Variants in CEMIP2 observed in about 807,000 individuals in gnomAD.
CEMIP2 encodes cell surface hyaluronidase CEMIP2.
In CEMIP2, 79 loss-of-function variants were observed where a neutral mutation model predicts 146.9. The ratio of observed to expected loss-of-function variants is 0.54; its 90% CI spans 0.45 to 0.65. The LOEUF (loss-of-function observed/expected upper bound fraction) is 0.65. Among genes scored for constraint, CEMIP2 ranks in the 30% least tolerant of loss-of-function variants. CEMIP2 has a pLI of 0.00. For synonymous variants in CEMIP2, 601 were observed against 606.3 expected (o/e 0.99, Z 0.13); for missense variants, 1,596 against 1,696.2 (o/e 0.94, Z 1.04).
At chr9:71,700,294 T>G (rs1161763538) in intron 19 of CEMIP2, among the ~76,000 whole-genome samples, 1 of 152,200 alleles carries the variant, frequency 6.6e-6, no homozygotes, top group African/African-American at 2.4e-5. Context: ...AAAATGAGCT[T>G]TCACTGAAAT....
At chr9:71,736,056 T>G (rs1451049658) in intron 5 of CEMIP2, among the ~76,000 whole-genome samples, 1 of 152,212 alleles carries the variant, frequency 6.6e-6, no homozygotes, top group Non-Finnish European at 1.5e-5. Flanking sequence ...ACTGTGCCAC[T>G]GCACTCCATC....
intron 12 of CEMIP2, among the ~76,000 whole-genome samples, chr9:71,718,855 G>A (rs545654379): frequency 2.0e-5 from 3 of 152,242 alleles, no homozygotes; most frequent in Non-Finnish European, 4.4e-5. Context: ...GAGATTATAA[G>A]TGTGAGCCAC....
chr9:71,706,150 A>C lies in CEMIP2; in HGVS notation c.2986-1347T>G, dbSNP rs1035674817. ...AGGCTGAGGCAGGAGAATTGCTTGA[A>C]CCTGGGAGGTGGAGGTTGCAGTGAG... On this transcript the variant is annotated intron_variant, in intron 17 of 23. Coordinates refer to ENST00000377044, the MANE Select transcript of CEMIP2 (RefSeq NM_013390.3). Among the ~76,000 whole-genome samples the C allele has an allele frequency of 3.3e-5, 5 of 151,430 alleles. No individual in the cohort carries two copies. In the Admixed American group the frequency reaches 3.3e-4, roughly 10 times the overall value.
At chr9:71,746,090 A>T in intron 3 of CEMIP2, 111 bp downstream of exon 3, 1 of 1,247,778 alleles carries the variant, frequency 8.0e-7, no homozygotes, top group Non-Finnish European at 1.1e-6. Context: ...GAGTGACACC[A>T]CAAACTAAAG....
At chr9:71,720,562 G>T (rs920672297) in intron 12 of CEMIP2, among the ~76,000 whole-genome samples, 1 of 152,306 alleles carries the variant, frequency 6.6e-6, no homozygotes, top group African/African-American at 2.4e-5. Flanking sequence ...AAAGTGCTGG[G>T]ATTACAAGCC....
At chr9:71,688,407 T>C (rs964458218) in intron 22 of CEMIP2, among the ~76,000 whole-genome samples, 3 of 152,002 alleles carry the variant, frequency 2.0e-5, no homozygotes, top group Admixed American at 6.6e-5. Context: ...CTTTTTTTTT[T>C]AGAGACAGAG....
intron 17 of CEMIP2, among the ~76,000 whole-genome samples, chr9:71,708,601 A>G (rs532073307): frequency 6.6e-6 from 1 of 152,348 alleles, no homozygotes; most frequent in South Asian, 2.1e-4. Flanking sequence ...TTAACCATAT[A>G]TACTACGTTG....
chr9:71,701,928 T>TA (rs1175760837), intron 18 of CEMIP2, among the ~76,000 whole-genome samples: 2 of 152,168 alleles, frequency 1.3e-5, no homozygotes, highest in African/African-American at 2.4e-5. Context: ...TTTGTCATTC[T>TA]AAAAAATGTT....
At chr9:71,695,602 C>T (rs6560228) in intron 20 of CEMIP2, among the ~76,000 whole-genome samples, 1 of 152,028 alleles carries the variant, frequency 6.6e-6, no homozygotes, top group African/African-American at 2.4e-5. Context: ...TGAGCCTGGG[C>T]GATGAAGGTT....
At position 71,750,236 on chromosome 9, in the gene CEMIP2, T is replaced by C. The variant is rs1356460546; in HGVS notation, c.138A>G (p.Ser46=). Residue 46 remains serine, a synonymous_variant, in exon 2 of 24, where the codon TCA becomes TCG. Transcript: ENST00000377044. ...CTCGTCTGATGGAGGTAAATTTGGC[T>C]GAAGCTTGACTCTTTGGAGGAGGAG... ...RPPPPPKSQA[S]AKFTSIRRED... is the part of the protein sequence containing the mutation. The C allele has an allele frequency of 6.2e-7, 1 of 1,614,124 alleles. No individual in the cohort carries two copies. Among genetic ancestry groups the C allele is most frequent in the Admixed American group, 1.7e-5 (1 of 60,012 alleles).
intron 1 of CEMIP2, among the ~76,000 whole-genome samples, chr9:71,764,859 G>C (rs2132051086): frequency 6.6e-6 from 1 of 151,784 alleles, no homozygotes; most frequent in African/African-American, 2.4e-5. Flanking sequence ...TTTACAAATG[G>C]AGAAAACTAG....
At chr9:71,754,212 T>C (rs62544876) in intron 1 of CEMIP2, among the ~76,000 whole-genome samples, 9,769 of 152,054 alleles carry the variant, frequency 0.064, 483 homozygotes, top group South Asian at 0.19. Flanking sequence ...TAAAGTATAA[T>C]AATAAAAAAA....
At chr9:71,731,831 A>G (rs1051188744) in intron 7 of CEMIP2, among the ~76,000 whole-genome samples, 5 of 152,190 alleles carry the variant, frequency 3.3e-5, no homozygotes, top group African/African-American at 1.2e-4. Flanking sequence ...GCCAAAATGC[A>G]GCCCAGAAGT....
chr9:71,713,522 G>C (rs1357004595), intron 15 of CEMIP2, among the ~76,000 whole-genome samples: 1 of 152,124 alleles, frequency 6.6e-6, no homozygotes, highest in African/African-American at 2.4e-5. Context: ...TCATATTAAA[G>C]CTGTTTCCAT....
chr9:71,752,475 AGGAAGG>A (rs1589165592), intron 1 of CEMIP2, among the ~76,000 whole-genome samples: 19 of 52,726 alleles, frequency 3.6e-4, no homozygotes, highest in East Asian at 7.6e-4. Context: ...GAAGGAAGGA[AGGAAGG>A]GGGAGGGAAG....
At chr9:71,744,168 A>G (rs1034371643) in intron 4 of CEMIP2, among the ~76,000 whole-genome samples, 1 of 152,124 alleles carries the variant, frequency 6.6e-6, no homozygotes, top group Non-Finnish European at 1.5e-5. Flanking sequence ...TGAGCACAGA[A>G]GTTTAGACCA....
chr9:71,714,823 G>A, intron 15 of CEMIP2, 111 bp downstream of exon 15: 1 of 1,061,776 alleles, frequency 9.4e-7, no homozygotes, highest in South Asian at 2.0e-5. Context: ...AATAGGAAAA[G>A]AGTCTCATGG....
intron 13 of CEMIP2, among the ~76,000 whole-genome samples, 155 bp downstream of exon 13, chr9:71,717,793 T>C (rs1442298941): frequency 6.6e-6 from 1 of 152,182 alleles, no homozygotes; most frequent in Non-Finnish European, 1.5e-5. Flanking sequence ...TGTGGTCTTT[T>C]AACTCTAGCA....
chr9:71,762,503 CAAAAAAA>C (rs58090104), intron 1 of CEMIP2, among the ~76,000 whole-genome samples: 1 of 79,730 alleles, frequency 1.3e-5, no homozygotes, highest in African/African-American at 5.2e-5. Flanking sequence ...GCCCCGTCAC[CAAAAAAA>C]AAAAAAAAAA....
Sources: allele counts gnomAD v4.1 joint callset (sites outside exome capture counted in the v4.1 genomes callset), GRCh38; gene constraint gnomAD v4.1.1; transcripts MANE v1.5; gene names NCBI Gene and HGNC (gene_info 2026-07-23, HGNC 2026-07-21).